The following TICRR variants were observed in gnomAD, a reference collection of about 807,000 sequenced individuals.
TICRR encodes the protein treslin.
TICRR carries 132 observed loss-of-function variants against 178.1 expected under a neutral mutation model. That is an observed-to-expected ratio of 0.74 (90% CI 0.64 to 0.86). The LOEUF is 0.86. TICRR is among the 40% of genes least tolerant of loss of function. The probability of loss-of-function intolerance (pLI) is 0.00; values close to 1 mark genes in which losing one functional copy is unlikely to be tolerated. For missense variants in TICRR, 2,587 were observed against 2,334.3 expected, an observed-to-expected ratio of 1.11 and a Z score of -2.23; for synonymous variants, 991 against 900.7, an observed-to-expected ratio of 1.10 and a Z score of -1.79.
chr15:89,599,199 C>A (rs187749231), intron 7 of TICRR, 125 bp from the exon 8 acceptor site: 4 of 595,722 alleles, frequency 6.7e-6, no homozygotes, highest in Admixed American at 3.6e-5. Context: ...TCAGTCATGA[C>A]AATCCAGACA....
At chr15:89,616,792 C>G (rs1050721734) in intron 16 of TICRR, among the ~76,000 whole-genome samples, 5 of 152,332 alleles carry the variant, frequency 3.3e-5, no homozygotes, top group African/African-American at 1.2e-4. Context: ...ATCCATTCAT[C>G]TGTGAACATA....
chr15:89,625,165 C>T lies in TICRR; in HGVS notation c.4855C>T (p.Pro1619Ser). 6.2e-7 allele frequency: 1 copy of T among 1,613,832 alleles called. No homozygotes were observed. Among genetic ancestry groups the T allele is most frequent in the Non-Finnish European group, 8.5e-7 (1 of 1,179,904 alleles). Residue 1619 changes from proline to serine, a missense_variant, in exon 20 of 22, where the codon CCC becomes TCC. Transcript: ENST00000268138. ...RASRSLSKPEPTYVSPPCPRL... is the reference protein window; with the variant it reads ...RASRSLSKPESTYVSPPCPRL... ...CAGCAGGTCCTTAAGCAAACCTGAA[C>T]CCACCTATGTGTCACCCCCCTGCCC...
rs1341198166 is a variant in TICRR at position 89,625,312 on chromosome 15, A to G, written c.5002A>G (p.Thr1668Ala). The G allele has an allele frequency of 1.2e-6, 2 of 1,613,944 alleles. No individual in the cohort carries two copies. The highest frequency in any genetic ancestry group is 1.7e-6 in the Non-Finnish European group (2 of 1,179,978). ...ATTTCAAACAGATGGGGTTCCTTGG[A>G]CACCATCCCCCAAGCACAGTGGGAA... ...SPFQTDGVPW[T>A]PSPKHSGKTT... The change falls in exon 20 of 22, where the codon ACA (threonine) becomes GCA (alanine). Residue 1668 changes from threonine (T) to alanine (A), a missense_variant. By Grantham distance (58) the Thr-to-Ala change is moderately conservative. Coordinates refer to ENST00000268138, the MANE Select transcript of TICRR (RefSeq NM_152259.4).
intron 8 of TICRR, among the ~76,000 whole-genome samples, chr15:89,600,370 C>T (rs1276087551): frequency 1.3e-5 from 2 of 152,182 alleles, no homozygotes; most frequent in African/African-American, 4.8e-5. Flanking sequence ...TTATTTAGGG[C>T]AGGCTTGTTT....
chr15:89,617,080 C>G (rs1295124753), intron 16 of TICRR, among the ~76,000 whole-genome samples: 2 of 152,132 alleles, frequency 1.3e-5, no homozygotes. Context: ...AGCTCACTGC[C>G]CTCCTCAGGT....
chr15:89,619,902 G>C, intron 18 of TICRR, 60 bp downstream of exon 18: 1 of 1,535,974 alleles, frequency 6.5e-7, no homozygotes, highest in Admixed American at 2.2e-5. Context: ...AAGTGTTTTT[G>C]GGAAAAGAAG....
chr15:89,611,182 A>T (rs1963251112), intron 15 of TICRR, among the ~76,000 whole-genome samples: 1 of 152,006 alleles, frequency 6.6e-6, no homozygotes, highest in Admixed American at 6.6e-5. Flanking sequence ...CTTTTCTTAC[A>T]GGGTAAGTCT....
Position 89,601,510 on chromosome 15 carries a change from G to T in TICRR, c.2269G>T (p.Val757Leu), listed in dbSNP as rs1324216003. The T allele has an allele frequency of 6.2e-7, 1 of 1,614,212 alleles. No homozygotes were observed. Among genetic ancestry groups the T allele is most frequent in the Non-Finnish European group, 8.5e-7 (1 of 1,180,026 alleles). ...VEEVTDLLRM[V>L]CLTEDSAYLA... ...TCAGGTGACAGATTTGCTGCGCATGGTGTGTTTAACTGAGGATTCAGCGTA... is the reference window on the plus strand; with the variant it reads ...TCAGGTGACAGATTTGCTGCGCATGTTGTGTTTAACTGAGGATTCAGCGTA... The change falls in exon 11 of 22, where the codon GTG becomes TTG. Residue 757 changes from valine (V) to leucine (L), a missense_variant. Val to Leu is a conservative substitution (Grantham distance 32). Coordinates refer to ENST00000268138, the MANE Select transcript of TICRR (RefSeq NM_152259.4).
chr15:89,621,682 G>A (rs768045026), intron 19 of TICRR, 132 bp downstream of exon 19: 175 of 737,774 alleles, frequency 2.4e-4, no homozygotes, highest in Non-Finnish European at 3.5e-4. Context: ...GAGGTGACTG[G>A]GTGGAGCCAC....
At chr15:89,591,916 A>C (rs1962919225) in intron 4 of TICRR, 131 bp from the exon 5 acceptor site, 2 of 707,886 alleles carry the variant, frequency 2.8e-6, no homozygotes, top group African/African-American at 1.8e-5. Flanking sequence ...CCGGAGAACA[A>C]ATGTTAACTG....
chr15:89,606,639 A>G, intron 13 of TICRR, 129 bp from the exon 14 acceptor site: 1 of 751,668 alleles, frequency 1.3e-6, no homozygotes, highest in Non-Finnish European at 2.3e-6. Flanking sequence ...TCTGTTGTAC[A>G]TTTTATTATT....
chr15:89,625,333 G>GGGAAGACAACTCC lies in TICRR; in HGVS notation c.5024_5036dup (p.Asp1680GlufsTer8). 1 of 1,614,056 alleles carries GGGAAGACAACTCC rather than the reference G, an allele frequency of 6.2e-7. No homozygotes were observed. Among genetic ancestry groups the GGGAAGACAACTCC allele is most frequent in the Non-Finnish European group, 8.5e-7 (1 of 1,180,008 alleles). On this transcript the variant is annotated frameshift_variant, in exon 20 of 22. Transcript: ENST00000268138. LOFTEE classifies it high-confidence loss of function. Reference sequence around the variant, plus strand: ...TTGGACACCATCCCCCAAGCACAGTGGGAAGACAACTCCAGACATAATTAA... The same window carrying GGGAAGACAACTCC: ...TTGGACACCATCCCCCAAGCACAGTGGGAAGACAACTCCGGAAGACAACTCCAGACATAATTAA...
Position 89,600,570 on chromosome 15 carries a change from A to G in TICRR, c.2053-15A>G, listed in dbSNP as rs1191678167. The G allele has an allele frequency of 7.6e-7, 1 of 1,316,496 alleles. No homozygotes were observed. Among genetic ancestry groups the G allele is most frequent in the Admixed American group, 2.1e-5 (1 of 47,172 alleles). The allele number at this position is 1,316,496 out of a possible 1,614,324, so 81.6% of individuals were successfully genotyped here. ...AGTAACACTATTCTCCTATGTAATA[A>G]TTTTGTATTTTTAGGTGAACTGCCT... On this transcript the variant is annotated splice_polypyrimidine_tract_variant and intron_variant, in intron 8 of 21. Coordinates refer to ENST00000268138, the MANE Select transcript of TICRR (RefSeq NM_152259.4).
intron 5 of TICRR, among the ~76,000 whole-genome samples, chr15:89,593,567 G>T (rs1003945401): frequency 2.6e-5 from 4 of 152,114 alleles, no homozygotes; most frequent in Non-Finnish European, 5.9e-5. Flanking sequence ...TTAGCCCGGC[G>T]TGGTGGCACA....
chr15:89,599,784 A>G (rs1398076576), intron 8 of TICRR, among the ~76,000 whole-genome samples: 1 of 152,144 alleles, frequency 6.6e-6, no homozygotes, highest in African/African-American at 2.4e-5. Flanking sequence ...CCCTGGCTAT[A>G]CTTTAGAATC....
intron 15 of TICRR, among the ~76,000 whole-genome samples, chr15:89,612,685 A>C (rs919433248): frequency 6.6e-6 from 1 of 152,150 alleles, no homozygotes; most frequent in Non-Finnish European, 1.5e-5. Flanking sequence ...TTTCTAGTTT[A>C]CTAGTTATTT....
Position 89,584,283 on chromosome 15 carries a change from T to C in TICRR, c.935-3T>C, listed in dbSNP as rs757991856. 2 of 1,588,980 alleles carry C rather than the reference T, an allele frequency of 1.3e-6. No homozygotes were observed. Among genetic ancestry groups the C allele is most frequent in the South Asian group, 2.3e-5 (2 of 86,508 alleles). On this transcript the variant is annotated splice_polypyrimidine_tract_variant and splice_region_variant and intron_variant, in intron 2 of 21. Transcript: ENST00000268138. ...TCCTGGTCTAATTAATCTTTATTTC[T>C]AGCAGGCAAAGAGATTCAAGAAACA... is the stretch of plus-strand genomic sequence containing the variant.
Position 89,575,975 on chromosome 15 carries a change from G to A in TICRR, c.389G>A (p.Gly130Glu). 6.2e-7 allele frequency: 1 copy of A among 1,605,394 alleles called. No individual in the cohort carries two copies. The highest frequency in any genetic ancestry group is 2.2e-5 in the East Asian group (1 of 44,544). Reference protein sequence around the residue: ...SPTKPILRSSGRRLLDVESEA... With the variant: ...SPTKPILRSSERRLLDVESEA... ...ACGAAGCCGATCCTGCGGAGCAGCG[G>A]GAGGAGACTGCTGGACGTGGAGAGC... The change falls in exon 1 of 22, where the codon GGG becomes GAG. Residue 130 changes from glycine to glutamate, a missense_variant. Physicochemically the swap from Gly to Glu is moderately conservative, Grantham distance 98. Transcript: ENST00000268138.
chr15:89,626,676 G>A (rs958197673), intron 21 of TICRR, among the ~76,000 whole-genome samples: 4 of 152,210 alleles, frequency 2.6e-5, no homozygotes, highest in East Asian at 3.9e-4. Context: ...CCAGAGATCT[G>A]AGACCTAGAA....
Sources: gnomAD v4.1 joint callset for allele counts (sites outside exome capture counted in the v4.1 genomes callset) on GRCh38, gnomAD v4.1.1 for gene constraint, MANE v1.5 for transcripts, NCBI Gene and HGNC (gene_info 2026-07-23, HGNC 2026-07-21) for gene names.